GPR39: variants seen among roughly 807,000 people sequenced by gnomAD.
GPR39 encodes the protein G protein-coupled receptor 39.
In GPR39, 23 loss-of-function variants were observed where a neutral mutation model predicts 18.4. The ratio of observed to expected loss-of-function variants is 1.25; its 90% confidence interval spans 0.90 to 1.77. The LOEUF (loss-of-function observed/expected upper bound fraction) is 1.77, where lower values mean the gene tolerates loss of function less well. Among genes scored for constraint, GPR39 ranks in the 40% most tolerant of loss-of-function variants. The probability of loss-of-function intolerance (pLI) is 0.00; values close to 1 mark genes in which losing one functional copy is unlikely to be tolerated. For missense variants in GPR39, 647 were observed against 602.4 expected, an observed-to-expected ratio of 1.07 and a Z score of -0.78; for synonymous variants, 280 against 257.9, an observed-to-expected ratio of 1.09 and a Z score of -0.82.
chr2:132,419,958 T>G (rs978046251), intron 1 of GPR39, among the ~76,000 whole-genome samples: 1 of 152,222 alleles, frequency 6.6e-6, no homozygotes, highest in African/African-American at 2.4e-5. Context: ...CAGCAGGTGC[T>G]CCAAGTTAAA....
intron 1 of GPR39, among the ~76,000 whole-genome samples, chr2:132,465,693 A>T (rs944559672): frequency 2.0e-5 from 3 of 152,210 alleles, no homozygotes; most frequent in Non-Finnish European, 4.4e-5. Flanking sequence ...GAATGGGAAG[A>T]GGGTTGCATA....
chr2:132,516,445 G>T (rs1679335587), intron 1 of GPR39, among the ~76,000 whole-genome samples: 1 of 152,118 alleles, frequency 6.6e-6, no homozygotes, highest in South Asian at 2.1e-4. Flanking sequence ...ACAGGACAGG[G>T]AAGTGCCAAA....
chr2:132,466,824 A>G (rs1306187223), intron 1 of GPR39, among the ~76,000 whole-genome samples: 1 of 152,152 alleles, frequency 6.6e-6, no homozygotes, highest in Non-Finnish European at 1.5e-5. Context: ...GTGCCCAGAG[A>G]GCACTTGGCC....
intron 1 of GPR39, among the ~76,000 whole-genome samples, chr2:132,553,790 G>A (rs1308272738): frequency 6.6e-6 from 1 of 152,102 alleles, no homozygotes; most frequent in Non-Finnish European, 1.5e-5. Flanking sequence ...TCCTGCCTTA[G>A]CAGAAGGCCT....
chr2:132,608,977 G>T (rs947508102), intron 1 of GPR39, among the ~76,000 whole-genome samples: 1 of 152,182 alleles, frequency 6.6e-6, no homozygotes, highest in African/African-American at 2.4e-5. Context: ...GCAAAATAAA[G>T]AAATAAATAG....
At chr2:132,642,026 T>C (rs1681865105) in intron 1 of GPR39, among the ~76,000 whole-genome samples, 1 of 152,242 alleles carries the variant, frequency 6.6e-6, no homozygotes, top group Non-Finnish European at 1.5e-5. Context: ...ATAACTATTT[T>C]GACCTCACCA....
chr2:132,460,949 C>A (rs1680820765), intron 1 of GPR39, among the ~76,000 whole-genome samples: 1 of 152,006 alleles, frequency 6.6e-6, no homozygotes, highest in South Asian at 2.1e-4. Flanking sequence ...GTTGGCACAG[C>A]CCAGGATTTT....
intron 1 of GPR39, among the ~76,000 whole-genome samples, chr2:132,425,557 G>C (rs1680104598): frequency 1.3e-5 from 2 of 152,132 alleles, no homozygotes; most frequent in South Asian, 2.1e-4. Flanking sequence ...GGTCCATAAG[G>C]TATACGTATC....
At chr2:132,459,625 A>G (rs962859998) in intron 1 of GPR39, among the ~76,000 whole-genome samples, 1 of 152,162 alleles carries the variant, frequency 6.6e-6, no homozygotes, top group African/African-American at 2.4e-5. Context: ...TGCTACTAGC[A>G]TGTCACTCCA....
intron 1 of GPR39, among the ~76,000 whole-genome samples, chr2:132,569,637 G>C (rs950794197): frequency 6.6e-6 from 1 of 151,744 alleles, no homozygotes; most frequent in Non-Finnish European, 1.5e-5. Context: ...GTGGGGGTGG[G>C]GGGGGTCCCA....
In GPR39 at chr2:132,417,296, T is replaced by G. The variant is rs1463657285; in HGVS notation, c.254T>G (p.Ile85Ser). ...TGCTCGGACATCTTGGTGTTCCTCA[T>G]CGGCATGCCCATGGAGTTCTACAGC... ...LACSDILVFLIGMPMEFYSII... is the reference protein window; with the variant it reads ...LACSDILVFLSGMPMEFYSII... Residue 85 changes from isoleucine to serine, a missense_variant, in exon 1 of 2, where the codon ATC becomes AGC. Ile to Ser is a moderately radical substitution (Grantham distance 142, BLOSUM62 -2). Around this residue, in one of 3 missense-constraint regions of GPR39, gnomAD observed 581 missense variants for 506.8 expected, o/e 1.15. Transcript: ENST00000329321. The G allele has an allele frequency of 6.2e-7, 1 of 1,614,118 alleles. No individual in the cohort carries two copies. The highest frequency in any genetic ancestry group is 1.7e-5 in the Admixed American group (1 of 60,020).
chr2:132,627,400 A>G (rs1681569840), intron 1 of GPR39, among the ~76,000 whole-genome samples: 1 of 152,234 alleles, frequency 6.6e-6, no homozygotes, highest in South Asian at 2.1e-4. Flanking sequence ...TCAGGACAGG[A>G]TGGTGGCAAG....
intron 1 of GPR39, among the ~76,000 whole-genome samples, chr2:132,537,795 G>C (rs963329341): frequency 6.6e-6 from 1 of 151,514 alleles, no homozygotes; most frequent in African/African-American, 2.4e-5. Flanking sequence ...TCAGCAAAAT[G>C]GTCTTCAGAT....
intron 1 of GPR39, among the ~76,000 whole-genome samples, chr2:132,641,748 T>G (rs903389667): frequency 3.3e-5 from 5 of 152,236 alleles, no homozygotes; most frequent in African/African-American, 1.2e-4. Flanking sequence ...GCTAGAAAAT[T>G]TAAAACTACA....
Position 132,646,378 on chromosome 2 carries a change from C to T in GPR39, c.*772C>T. ...CCAAACGGACAGCTCTTCCTTACTC[C>T]TCCCACAGCCCAGAGACTAGGTGAG... is the stretch of plus-strand genomic sequence containing the variant. On this transcript the variant is annotated 3_prime_UTR_variant, in exon 2 of 2. Transcript: ENST00000329321. The T allele has an allele frequency of 1.4e-6, 1 of 726,770 alleles. No homozygotes were observed. Among genetic ancestry groups the T allele is most frequent in the South Asian group, 3.7e-5 (1 of 27,344 alleles). The allele number at this position is 726,770 out of a possible 1,614,324, so 45.0% of individuals were successfully genotyped here.
chr2:132,620,248 G>C (rs1681416850), intron 1 of GPR39, among the ~76,000 whole-genome samples: 1 of 152,184 alleles, frequency 6.6e-6, no homozygotes, highest in South Asian at 2.1e-4. Context: ...GGAGGCTGCA[G>C]CTCCAGCATG....
At chr2:132,616,279 C>T (rs546533895) in intron 1 of GPR39, among the ~76,000 whole-genome samples, 1 of 152,240 alleles carries the variant, frequency 6.6e-6, no homozygotes, top group South Asian at 2.1e-4. Flanking sequence ...TTCATATAAC[C>T]AGTGAGAGGC....
intron 1 of GPR39, among the ~76,000 whole-genome samples, chr2:132,542,306 A>G (rs1222133132): frequency 6.6e-6 from 1 of 152,204 alleles, no homozygotes; most frequent in Non-Finnish European, 1.5e-5. Context: ...GTGAGGTGAC[A>G]AGGTAAAAGG....
In GPR39 at chr2:132,502,387, G is replaced by A. The variant is rs569412248; in HGVS notation, c.856+84489G>A. On this transcript the variant is annotated intron_variant, in intron 1 of 1. Coordinates refer to ENST00000329321, the MANE Select transcript of GPR39 (RefSeq NM_001508.3). ...TAGCTGATAATTGTTTTGTTTTGGA[G>A]GCTAAAAATAGGACCCCAATCGCTT... is the stretch of plus-strand genomic sequence containing the variant. Among the ~76,000 whole-genome samples, 89 of 152,202 alleles carry A rather than the reference G, an allele frequency of 5.8e-4. 2 individuals carry two copies. The highest frequency in any genetic ancestry group is 5.8e-4 in the East Asian group (3 of 5,166).
Sources: allele counts gnomAD v4.1 joint callset (sites outside exome capture counted in the v4.1 genomes callset), GRCh38; gene constraint gnomAD v4.1.1; regional missense constraint gnomAD v4.1.1; transcripts MANE v1.5; gene names NCBI Gene and HGNC (gene_info 2026-07-23, HGNC 2026-07-21).